Variants in PROZ observed in about 807,000 individuals in gnomAD.
PROZ encodes protein Z, vitamin K dependent plasma glycoprotein.
A neutral mutation model predicts 34.9 loss-of-function variants in PROZ; 46 were observed. The observed-to-expected ratio is 1.32, with a 90% CI of 1.04 to 1.69. The LOEUF is 1.69. Among genes scored for constraint, PROZ ranks in the 40% most tolerant of loss-of-function variants. The probability of loss-of-function intolerance (pLI) is 0.00; values close to 1 mark genes in which losing one functional copy is unlikely to be tolerated. For synonymous variants in PROZ, 195 were observed against 208.5 expected (o/e 0.94, Z 0.56); for missense variants, 530 against 520.4 (o/e 1.02, Z -0.18).
In PROZ at chr13:113,158,912, T is replaced by C. The variant is rs971809507; in HGVS notation, c.70+182T>C. Among the ~76,000 whole-genome samples the C allele has an allele frequency of 6.6e-6, 1 of 151,288 alleles. No homozygotes were observed. Among genetic ancestry groups the C allele is most frequent in the African/African-American group, 2.4e-5 (1 of 41,012 alleles). On this transcript the variant is annotated intron_variant, in intron 1 of 7. Coordinates refer to ENST00000375547, the MANE Select transcript of PROZ (RefSeq NM_003891.3). The surrounding 1 kb of genome is among the most constrained non-coding windows in gnomAD (Gnocchi z 4.3). ...CATTTGGTGACAAGTATTTGGGACA[T>C]GATAGTGTCACTTGGGGTCCTCCCA...
chr13:113,158,993 G>A lies in PROZ; in HGVS notation c.70+263G>A, dbSNP rs1300841612. 1.3e-5 allele frequency among the ~76,000 whole-genome samples: 2 copies of A among 151,194 alleles called. No homozygotes were observed. The highest frequency in any genetic ancestry group is 3.0e-5 in the Non-Finnish European group (2 of 67,792). Reference sequence around the variant, plus strand: ...GCAGGGGATTCAGCCGGGAAAGGCCGGGGAGAGGGGAGGGGGAAAGGGGGA... The same window carrying A: ...GCAGGGGATTCAGCCGGGAAAGGCCAGGGAGAGGGGAGGGGGAAAGGGGGA... On this transcript the variant is annotated intron_variant, in intron 1 of 7. Coordinates refer to ENST00000375547, the MANE Select transcript of PROZ (RefSeq NM_003891.3). The surrounding 1 kb of genome is among the most constrained non-coding windows in gnomAD (Gnocchi z 4.3).
intron 2 of PROZ, among the ~76,000 whole-genome samples, chr13:113,160,493 C>T (rs541388953): frequency 1.9e-4 from 29 of 152,318 alleles, no homozygotes; most frequent in African/African-American, 6.7e-4. Context: ...AATAATTCTC[C>T]TAATTTTAGA....
intron 6 of PROZ, among the ~76,000 whole-genome samples, chr13:113,168,550 C>G (rs1201654800): frequency 6.6e-6 from 1 of 152,220 alleles, no homozygotes; most frequent in Admixed American, 6.5e-5. Flanking sequence ...CATGTCCTTA[C>G]CTGTGGCACT....
intron 6 of PROZ, among the ~76,000 whole-genome samples, chr13:113,167,742 A>G (rs1241272831): frequency 6.6e-6 from 1 of 151,522 alleles, no homozygotes; most frequent in Non-Finnish European, 1.5e-5. Context: ...AGTGTGAAAA[A>G]CCTCTGCCTT....
Position 113,159,866 on chromosome 13 carries a change from G to T in PROZ, c.71-148G>T. 1.0e-5 allele frequency: 9 copies of T among 883,890 alleles called. No homozygotes were observed. The highest frequency in any genetic ancestry group is 1.5e-5 in the Non-Finnish European group (8 of 532,048). 54.8% of individuals were successfully genotyped at this position (883,890 alleles called of 1,614,324 possible). On this transcript the variant is annotated intron_variant, in intron 1 of 7. Transcript: ENST00000375547. The surrounding 1 kb of genome is among the most constrained non-coding windows in gnomAD (Gnocchi z 4.6). ...CTTGCCTACCTCGGGGGAGGGAGTAGCGGGGTGGCCCTGAGGCCCTCGCAG... is the reference window on the plus strand; with the variant it reads ...CTTGCCTACCTCGGGGGAGGGAGTATCGGGGTGGCCCTGAGGCCCTCGCAG...
At position 113,165,107 on chromosome 13, in the gene PROZ, A is replaced by C. The variant is rs772624243; in HGVS notation, c.560A>C (p.Asp187Ala). Residue 187 changes from aspartate to alanine, a missense_variant, in exon 6 of 8, where the codon GAC (aspartate) becomes GCC (alanine). Coordinates refer to ENST00000375547, the MANE Select transcript of PROZ (RefSeq NM_003891.3). Reference protein sequence around the residue: ...TSEKRAPDLQDLPWQVKLTNS... With the variant: ...TSEKRAPDLQALPWQVKLTNS... Reference sequence around the variant, plus strand: ...GAGAAGCGTGCACCGGATCTACAGGACCTCCCGTGGCAGGTAACAGAGCGC... The same window carrying C: ...GAGAAGCGTGCACCGGATCTACAGGCCCTCCCGTGGCAGGTAACAGAGCGC... 1 of 1,611,838 alleles carries C rather than the reference A, an allele frequency of 6.2e-7. No individual in the cohort carries two copies. The highest frequency in any genetic ancestry group is 1.7e-5 in the Admixed American group (1 of 59,992).
At chr13:113,163,386 A>T (rs3024726) in intron 4 of PROZ, among the ~76,000 whole-genome samples, 63 of 151,900 alleles carry the variant, frequency 4.1e-4, no homozygotes, top group African/African-American at 1.3e-3. Context: ...TCCTCCCCCC[A>T]CCACCTCAAC....
At chr13:113,161,435 G>T (rs946026101) in intron 3 of PROZ, among the ~76,000 whole-genome samples, 1 of 152,170 alleles carries the variant, frequency 6.6e-6, no homozygotes, top group Non-Finnish European at 1.5e-5. Flanking sequence ...TGGGACAGAA[G>T]TAACACAGAT....
At chr13:113,169,014 C>T (rs1419220746) in intron 6 of PROZ, among the ~76,000 whole-genome samples, 1 of 152,336 alleles carries the variant, frequency 6.6e-6, no homozygotes, top group East Asian at 1.9e-4. Flanking sequence ...TAGGCGTGAG[C>T]CACCATGCCT....
At chr13:113,165,172 A>C in intron 6 of PROZ, 52 bp downstream of exon 6, 1 of 1,533,956 alleles carries the variant, frequency 6.5e-7, no homozygotes, top group Non-Finnish European at 8.9e-7. Context: ...CTTTCACCTC[A>C]CTTGTCATTT....
In PROZ at chr13:113,171,680, A is replaced by G. The variant is rs772127785; in HGVS notation, c.778A>G (p.Asn260Asp). 3.7e-6 allele frequency: 6 copies of G among 1,613,952 alleles called. No individual in the cohort carries two copies. In the East Asian group the frequency reaches 1.3e-4, roughly 36 times the overall value. ...HMRYDADAGENDLSLLELEWP... is the reference protein window; with the variant it reads ...HMRYDADAGEDDLSLLELEWP... Reference sequence around the variant, plus strand: ...GCGGTATGACGCGGACGCGGGGGAGAATGACCTGTCACTGCTGGAGCTGGA... The same window carrying G: ...GCGGTATGACGCGGACGCGGGGGAGGATGACCTGTCACTGCTGGAGCTGGA... Residue 260 changes from asparagine (N) to aspartate (D), a missense_variant, in exon 8 of 8, where the codon AAT (asparagine) becomes GAT (aspartate). By Grantham distance (23) the Asn-to-Asp change is conservative. Transcript: ENST00000375547. The surrounding 1 kb of genome is among the most constrained non-coding windows in gnomAD (Gnocchi z 5.1).
At chr13:113,170,601 C>A (rs3024767) in intron 7 of PROZ, 71 bp downstream of exon 7, 1 of 991,152 alleles carries the variant, frequency 1.0e-6, no homozygotes, top group Non-Finnish European at 1.6e-6. Flanking sequence ...AATGAAATGA[C>A]AAATTTAAAA....
At position 113,164,630 on chromosome 13, in the gene PROZ, A is replaced by AT; in HGVS notation, c.491_492insT (p.Gln164HisfsTer16). 6.2e-7 allele frequency: 1 copy of AT among 1,613,796 alleles called. No individual in the cohort carries two copies. The highest frequency in any genetic ancestry group is 8.5e-7 in the Non-Finnish European group (1 of 1,179,998). ...TACAGGCTTGGTGAGGACCACAAAC[A>AT]GTGTGTGCCCCACGGTGAGTGCTCA... On this transcript the variant is annotated frameshift_variant, in exon 5 of 8. Transcript: ENST00000375547. LOFTEE classifies it high-confidence loss of function.
intron 3 of PROZ, 44 bp downstream of exon 3, chr13:113,161,016 GA>G: frequency 1.3e-6 from 2 of 1,564,662 alleles, no homozygotes; most frequent in Non-Finnish European, 1.8e-6. Flanking sequence ...AATTCCTCGG[GA>G]TGAGGTGCGT....
chr13:113,164,781 C>T (rs2036872447), intron 5 of PROZ, 137 bp downstream of exon 5: 1 of 1,381,298 alleles, frequency 7.2e-7, no homozygotes, highest in African/African-American at 1.4e-5. Flanking sequence ...TGGTCCGCGT[C>T]TCCACGCTGG....
At chr13:113,165,166 C>T in intron 6 of PROZ, 46 bp downstream of exon 6, 1 of 1,547,536 alleles carries the variant, frequency 6.5e-7, no homozygotes, top group Non-Finnish European at 8.9e-7. Context: ...TTATGACTTT[C>T]ACCTCACTTG....
chr13:113,170,422 A>G lies in PROZ; in HGVS notation c.583A>G (p.Thr195Ala), dbSNP rs1566932030. The G allele has an allele frequency of 6.3e-7, 1 of 1,593,948 alleles. No homozygotes were observed. Among genetic ancestry groups the G allele is most frequent in the South Asian group, 1.1e-5 (1 of 90,626 alleles). Reference sequence around the variant, plus strand: ...GTTTTGATTTTTAAAGGTAAAGTTAACAAATTCCGAAGGAAAAGACTTCTG... The same window carrying G: ...GTTTTGATTTTTAAAGGTAAAGTTAGCAAATTCCGAAGGAAAAGACTTCTG... ...LQDLPWQVKL[T>A]NSEGKDFCGG... Residue 195 changes from threonine to alanine, a missense_variant, in exon 7 of 8, where the codon ACA becomes GCA. Physicochemically the swap from Thr to Ala is moderately conservative, Grantham distance 58. Coordinates refer to ENST00000375547, the MANE Select transcript of PROZ (RefSeq NM_003891.3).
chr13:113,169,076 T>G lies in PROZ; in HGVS notation c.574-1337T>G, dbSNP rs182819736. 1.6e-4 allele frequency among the ~76,000 whole-genome samples: 25 copies of G among 152,310 alleles called. No homozygotes were observed. The East Asian group carries it at 2.7e-3, about 16-fold the overall frequency. On this transcript the variant is annotated intron_variant, in intron 6 of 7. Transcript: ENST00000375547. ...TCTCCTCCTTCTCCCTGCTCTGTTTTGGGACTCTAATTACATGTATCTTAA... is the reference window on the plus strand; with the variant it reads ...TCTCCTCCTTCTCCCTGCTCTGTTTGGGGACTCTAATTACATGTATCTTAA...
In PROZ at chr13:113,159,226, T is replaced by G. The variant is rs2036718635; in HGVS notation, c.70+496T>G. 7.1e-6 allele frequency: 11 copies of G among 1,548,286 alleles called. No individual in the cohort carries two copies. Among genetic ancestry groups the G allele is most frequent in the Non-Finnish European group, 9.6e-6 (11 of 1,144,786 alleles). On this transcript the variant is annotated intron_variant, in intron 1 of 7. Transcript: ENST00000375547. This position sits in a 1 kb window ranked among gnomAD's most constrained non-coding sequence, Gnocchi z 4.6. ...ACTTCACTGAAGGAACGACATGGAC[T>G]CCATTCTGACTCTGCCTGCACAGGC...
Sources: gnomAD v4.1 joint callset for allele counts (sites outside exome capture counted in the v4.1 genomes callset) on GRCh38, gnomAD v4.1.1 for gene constraint, Gnocchi (gnomAD v3.1) non-coding constraint, MANE v1.5 for transcripts, NCBI Gene and HGNC (gene_info 2026-07-23, HGNC 2026-07-21) for gene names.